Variants in ALDH1L2 observed in about 807,000 individuals in gnomAD.
ALDH1L2 encodes the protein aldehyde dehydrogenase 1 family member L2.
Under a neutral mutation model 111.0 loss-of-function variants are expected in ALDH1L2, and 91 were observed. The observed-to-expected ratio is 0.82, with a 90% confidence interval of 0.69 to 0.98. The LOEUF (loss-of-function observed/expected upper bound fraction) is 0.98. ALDH1L2 is among the 50% of genes least tolerant of loss of function. The pLI, the probability that ALDH1L2 is intolerant of heterozygous loss-of-function variation, is 0.00. For missense variants in ALDH1L2, 995 were observed against 1,126.8 expected (o/e 0.88, Z 1.67); for synonymous variants, 374 against 392.6 (o/e 0.95, Z 0.56).
intron 20 of ALDH1L2, among the ~76,000 whole-genome samples, chr12:105,031,028 G>C (rs1874669511): frequency 6.6e-6 from 1 of 152,142 alleles, no homozygotes; most frequent in Non-Finnish European, 1.5e-5. Flanking sequence ...TCATGTTAAA[G>C]AGACTGGGTC....
chr12:105,079,155 C>T (rs902259565), intron 1 of ALDH1L2, among the ~76,000 whole-genome samples: 3 of 152,118 alleles, frequency 2.0e-5, no homozygotes, highest in Non-Finnish European at 2.9e-5. Context: ...TGGAGCAGAG[C>T]GTGAAAATCA....
intron 1 of ALDH1L2, among the ~76,000 whole-genome samples, chr12:105,080,980 AT>A (rs1470542098): frequency 2.0e-5 from 3 of 152,126 alleles, no homozygotes; most frequent in African/African-American, 7.2e-5. Context: ...GACATGTATA[AT>A]TTTTCTTGTC....
At chr12:105,058,007 C>G in intron 10 of ALDH1L2, 66 bp downstream of exon 10, 3 of 1,470,930 alleles carry the variant, frequency 2.0e-6, no homozygotes, top group Non-Finnish European at 2.7e-6. Flanking sequence ...GGGCAACAGG[C>G]ACAGCAGTCT....
Position 105,040,682 on chromosome 12 carries a change from T to G in ALDH1L2, c.1876A>C (p.Thr626Pro). 1.9e-6 allele frequency: 3 copies of G among 1,614,078 alleles called. No individual in the cohort carries two copies. The highest frequency in any genetic ancestry group is 2.5e-6 in the Non-Finnish European group (3 of 1,179,978). The change falls in exon 16 of 23, where the codon ACT (threonine) becomes CCT (proline). Residue 626 changes from threonine to proline, a missense_variant. By Grantham distance (38) the Thr-to-Pro change is conservative. Coordinates refer to ENST00000258494, the MANE Select transcript of ALDH1L2 (RefSeq NM_001034173.4). ...VLKPAQVTPL[T>P]ALKFAELSVK... The stretch of plus-strand genomic sequence containing the variant: ...GACAGTTCTGCAAACTTCAAAGCAG[T>G]CAAGGGCGTGACCTGAGGAGAAGCA...
At chr12:105,067,060 C>T (rs1249900473) in intron 4 of ALDH1L2, among the ~76,000 whole-genome samples, 9 of 151,662 alleles carry the variant, frequency 5.9e-5, no homozygotes, top group Non-Finnish European at 1.2e-4. Context: ...ACTAAAAATA[C>T]AAAAAATCAG....
At chr12:105,051,605 G>A (rs950461651) in intron 12 of ALDH1L2, among the ~76,000 whole-genome samples, 2 of 152,000 alleles carry the variant, frequency 1.3e-5, no homozygotes, top group African/African-American at 2.4e-5. Context: ...TTTCCAGCTG[G>A]GACCTGCCTG....
Position 105,065,288 on chromosome 12 carries a change from A to T in ALDH1L2, c.765T>A (p.Ala255=), listed in dbSNP as rs776910586. The change falls in exon 6 of 23, where the codon GCT becomes GCA. Residue 255 remains alanine, a synonymous_variant. Transcript: ENST00000258494. ...WIRGHDKVPG[A]WTEINGQMVT... ...ATACCTGTCCATTTATCTCTGTCCAAGCTCCAGGGACTTTATCATGACCTC... is the reference window on the plus strand; with the variant it reads ...ATACCTGTCCATTTATCTCTGTCCATGCTCCAGGGACTTTATCATGACCTC... 1 of 1,609,070 alleles carries T rather than the reference A, an allele frequency of 6.2e-7. No individual in the cohort carries two copies. The highest frequency in any genetic ancestry group is 1.3e-5 in the African/African-American group (1 of 74,776).
At chr12:105,068,965 T>C in intron 3 of ALDH1L2, 81 bp from the exon 4 acceptor site, 1 of 1,218,076 alleles carries the variant, frequency 8.2e-7, no homozygotes, top group East Asian at 2.9e-5. Context: ...AAGTATAAGA[T>C]AGTTATAATG....
Position 105,050,226 on chromosome 12 carries a change from T to C in ALDH1L2, c.1536-168A>G, listed in dbSNP as rs1876169705. The stretch of plus-strand genomic sequence containing the variant: ...GGCAAGAAAGACATTAAACAAATAT[T>C]TTCATAAATCATTTGTTTCAAGAAT... On this transcript the variant is annotated intron_variant, in intron 12 of 22. Transcript: ENST00000258494. 1.4e-5 allele frequency: 8 copies of C among 553,248 alleles called. No individual in the cohort carries two copies. The South Asian group carries it at 4.5e-4, about 31-fold the overall frequency. 34.3% of individuals were successfully genotyped at this position (553,248 alleles called of 1,614,324 possible).
chr12:105,039,117 A>G (rs1370665023), intron 17 of ALDH1L2, among the ~76,000 whole-genome samples: 3 of 152,184 alleles, frequency 2.0e-5, no homozygotes, highest in Non-Finnish European at 4.4e-5. Flanking sequence ...GATCTGTCCT[A>G]CCATAGCTTT....
At chr12:105,077,663 A>T (rs1047753321) in intron 1 of ALDH1L2, among the ~76,000 whole-genome samples, 16 of 150,430 alleles carry the variant, frequency 1.1e-4, no homozygotes, top group African/African-American at 2.9e-4. Context: ...CAAATAATGC[A>T]TTCCCAGGCT....
intron 1 of ALDH1L2, 51 bp from the exon 2 acceptor site, chr12:105,074,056 A>G: frequency 1.9e-6 from 3 of 1,608,468 alleles, no homozygotes; most frequent in Non-Finnish European, 2.6e-6. Context: ...AAGACACTGG[A>G]TGAGGGTGAG....
chr12:105,026,879 G>GT (rs1394611645), intron 21 of ALDH1L2, 135 bp from the exon 22 acceptor site: 1 of 1,085,452 alleles, frequency 9.2e-7, no homozygotes, highest in African/African-American at 1.6e-5. Flanking sequence ...TGTTGTTGTT[G>GT]TTTTTTAGAG....
At chr12:105,029,223 G>A (rs1874578110) in intron 21 of ALDH1L2, among the ~76,000 whole-genome samples, 1 of 151,992 alleles carries the variant, frequency 6.6e-6, no homozygotes, top group South Asian at 2.1e-4. Flanking sequence ...GTAGAGACAG[G>A]GTCTTTGTTG....
At chr12:105,056,966 T>C (rs73393841) in intron 10 of ALDH1L2, among the ~76,000 whole-genome samples, 3,245 of 150,810 alleles carry the variant, frequency 0.022, 79 homozygotes, top group East Asian at 0.057. Context: ...CACTCAAAGT[T>C]TTCAGCAAAT....
At chr12:105,083,444 T>C (rs891532400) in intron 1 of ALDH1L2, among the ~76,000 whole-genome samples, 9 of 152,120 alleles carry the variant, frequency 5.9e-5, no homozygotes, top group Admixed American at 3.3e-4. Flanking sequence ...AGCTTTTCCT[T>C]TGATGCAAGT....
chr12:105,046,313 T>G (rs1875913614), intron 15 of ALDH1L2, among the ~76,000 whole-genome samples: 1 of 143,100 alleles, frequency 7.0e-6, no homozygotes, highest in South Asian at 2.3e-4. Flanking sequence ...CTCGGCTCAT[T>G]GCAACCTCCG....
chr12:105,057,987 A>G, intron 10 of ALDH1L2, 86 bp downstream of exon 10: 3 of 1,409,312 alleles, frequency 2.1e-6, no homozygotes, highest in Non-Finnish European at 2.8e-6. Flanking sequence ...TCATAAATAT[A>G]AAAACAAATG....
rs774984334 is a variant in ALDH1L2, at chr12:105,058,055, C to T, written c.1287+18G>A. ...GGATCTCACTGATTTAGGGTTGCAACATCAAGGAAAAGCTTACATAATCTA... is the reference window on the plus strand; with the variant it reads ...GGATCTCACTGATTTAGGGTTGCAATATCAAGGAAAAGCTTACATAATCTA... On this transcript the variant is annotated intron_variant, in intron 10 of 22. Coordinates refer to ENST00000258494, the MANE Select transcript of ALDH1L2 (RefSeq NM_001034173.4). The T allele has an allele frequency of 6.2e-7, 1 of 1,607,114 alleles. No homozygotes were observed.
Sources: allele counts gnomAD v4.1 joint callset (sites outside exome capture counted in the v4.1 genomes callset), GRCh38; gene constraint gnomAD v4.1.1; transcripts MANE v1.5; gene names NCBI Gene and HGNC (gene_info 2026-07-23, HGNC 2026-07-21).